Variants in KAT2B observed in about 807,000 individuals in gnomAD.
KAT2B encodes lysine acetyltransferase 2B.
A neutral mutation model predicts 105.9 loss-of-function variants in KAT2B; 36 were observed. That is an observed-to-expected ratio of 0.34 (90% CI 0.26 to 0.45). KAT2B has a LOEUF of 0.45. Among genes scored for constraint, KAT2B ranks in the 20% least tolerant of loss-of-function variants. KAT2B has a pLI of 1.00. For missense variants in KAT2B, 820 were observed against 1,021.6 expected (o/e 0.80, Z 2.69); for synonymous variants, 397 against 377.9 (o/e 1.05, Z -0.59).
At chr3:20,096,008 G>A (rs1698801731) in intron 3 of KAT2B, among the ~76,000 whole-genome samples, 1 of 152,018 alleles carries the variant, frequency 6.6e-6, no homozygotes, top group Non-Finnish European at 1.5e-5. Flanking sequence ...AAGAGACTCC[G>A]AGGCAGAGGG....
chr3:20,049,045 A>G (rs529448274), intron 1 of KAT2B, among the ~76,000 whole-genome samples: 4 of 147,028 alleles, frequency 2.7e-5, no homozygotes, highest in Non-Finnish European at 4.6e-5. Context: ...TATTTTTAGT[A>G]GAGACGGGGT....
intron 1 of KAT2B, among the ~76,000 whole-genome samples, chr3:20,062,157 T>TATATAA (rs1332435257): frequency 1.6e-4 from 14 of 85,738 alleles, no homozygotes; most frequent in African/African-American, 6.4e-4. Context: ...TAAAAATATA[T>TATATAA]AATATATAAT....
chr3:20,057,608 A>C (rs974336233), intron 1 of KAT2B, among the ~76,000 whole-genome samples: 1 of 152,194 alleles, frequency 6.6e-6, no homozygotes, highest in African/African-American at 2.4e-5. Context: ...AATTTCTGAT[A>C]AATTCTGTGT....
chr3:20,130,411 T>C (rs575814443), intron 11 of KAT2B, among the ~76,000 whole-genome samples: 1 of 152,352 alleles, frequency 6.6e-6, no homozygotes, highest in Admixed American at 6.5e-5. Flanking sequence ...AATGTCCAGA[T>C]GTTTCCAAAT....
At chr3:20,083,405 C>G (rs1304360731) in intron 2 of KAT2B, among the ~76,000 whole-genome samples, 1 of 152,098 alleles carries the variant, frequency 6.6e-6, no homozygotes, top group Non-Finnish European at 1.5e-5. Flanking sequence ...ATGAATGACT[C>G]TTTTTGGTTT....
Position 20,122,781 on chromosome 3 carries a change from C to A in KAT2B, c.1390C>A (p.Pro464Thr). The A allele has an allele frequency of 6.2e-7, 1 of 1,613,446 alleles. No individual in the cohort carries two copies. The highest frequency in any genetic ancestry group is 1.1e-5 in the South Asian group (1 of 90,988). Residue 464 changes from proline (P) to threonine (T), a missense_variant, in exon 9 of 18, where the codon CCT becomes ACT. Physicochemically the swap from Pro to Thr is conservative, Grantham distance 38. Coordinates refer to ENST00000263754, the MANE Select transcript of KAT2B (RefSeq NM_003884.5). ...CGAGGTTATGTCTACCATCACGGAC[C>A]CTGCAGCAATGCTTGGACCAGAGGT... ...INEVMSTITD[P>T]AAMLGPETNF...
chr3:20,096,184 C>T (rs894875391), intron 3 of KAT2B, among the ~76,000 whole-genome samples: 1 of 152,114 alleles, frequency 6.6e-6, no homozygotes, highest in African/African-American at 2.4e-5. Flanking sequence ...GAGAAATCAA[C>T]ATATTCCAAA....
At chr3:20,139,221 C>CTTCT (rs1553599029) in intron 12 of KAT2B, among the ~76,000 whole-genome samples, 33 of 151,788 alleles carry the variant, frequency 2.2e-4, no homozygotes, top group South Asian at 1.9e-3. Flanking sequence ...AGCCAGACTT[C>CTTCT]TTTTTTTTTA....
intron 2 of KAT2B, among the ~76,000 whole-genome samples, chr3:20,076,005 T>C (rs1698412941): frequency 6.6e-6 from 1 of 152,056 alleles, no homozygotes; most frequent in Non-Finnish European, 1.5e-5. Flanking sequence ...AAGGTTCCAA[T>C]CCTTTAATCT....
intron 2 of KAT2B, among the ~76,000 whole-genome samples, chr3:20,092,143 G>T (rs908203437): frequency 6.6e-6 from 1 of 152,092 alleles, no homozygotes; most frequent in African/African-American, 2.4e-5. Flanking sequence ...CTGTGTAAAT[G>T]ATTTATCCAT....
intron 2 of KAT2B, among the ~76,000 whole-genome samples, chr3:20,084,535 AC>A (rs1187012675): frequency 1.3e-5 from 2 of 152,122 alleles, no homozygotes; most frequent in African/African-American, 4.8e-5. Context: ...TGGGTTTCAT[AC>A]AGAGCTCTGA....
intron 3 of KAT2B, among the ~76,000 whole-genome samples, chr3:20,098,565 A>G (rs1209319661): frequency 6.6e-6 from 1 of 152,202 alleles, no homozygotes; most frequent in Non-Finnish European, 1.5e-5. Context: ...TCATCATCTT[A>G]TAGATAAACT....
At chr3:20,122,386 C>A (rs1399883203) in intron 8 of KAT2B, among the ~76,000 whole-genome samples, 1 of 152,132 alleles carries the variant, frequency 6.6e-6, no homozygotes, top group South Asian at 2.1e-4. Context: ...GCTAGAATCA[C>A]CCCTTTGCAT....
intron 1 of KAT2B, among the ~76,000 whole-genome samples, chr3:20,049,160 G>T (rs559996745): frequency 1.3e-5 from 2 of 152,058 alleles, no homozygotes; most frequent in Non-Finnish European, 1.5e-5. Flanking sequence ...GCGCCTGGCC[G>T]GGCATCGCCT....
At chr3:20,057,367 A>T (rs954489917) in intron 1 of KAT2B, among the ~76,000 whole-genome samples, 1 of 152,212 alleles carries the variant, frequency 6.6e-6, no homozygotes, top group Admixed American at 6.5e-5. Flanking sequence ...GAGAGTCATC[A>T]TCTCAGATAA....
In KAT2B at chr3:20,105,291, T is replaced by G. The variant is rs1698980382; in HGVS notation, c.851+3823T>G. Among the ~76,000 whole-genome samples the G allele has an allele frequency of 4.6e-5, 7 of 152,300 alleles. 1 individual carries two copies. The South Asian group carries it at 1.4e-3, about 32-fold the overall frequency. ...GGCAAATATTTTGAAGTTCCTGAAT[T>G]TCATGATAGTACACTATTTAATTCC... is the stretch of plus-strand genomic sequence containing the variant. On this transcript the variant is annotated intron_variant, in intron 5 of 17. Coordinates refer to ENST00000263754, the MANE Select transcript of KAT2B (RefSeq NM_003884.5).
In KAT2B at chr3:20,111,735, A is replaced by G; in HGVS notation, c.991A>G (p.Lys331Glu). 1 of 1,614,094 alleles carries G rather than the reference A, an allele frequency of 6.2e-7. No homozygotes were observed. The highest frequency in any genetic ancestry group is 8.5e-7 in the Non-Finnish European group (1 of 1,179,982). ...RQLLEQARQE[K>E]DKLPLEKRTL... ...ACTCCTGGAACAAGCAAGACAGGAA[A>G]AAGATAAACTGCCTCTTGAAAAACG... The change falls in exon 6 of 18, where the codon AAA becomes GAA. Residue 331 changes from lysine to glutamate, a missense_variant. Lys to Glu is a moderately conservative substitution (Grantham distance 56). Around this residue, in one of 6 missense-constraint regions of KAT2B, gnomAD observed 173 missense variants for 249.5 expected, o/e 0.69. Transcript: ENST00000263754.
chr3:20,069,120 A>C (rs1394251201), intron 1 of KAT2B, among the ~76,000 whole-genome samples: 1 of 152,190 alleles, frequency 6.6e-6, no homozygotes, highest in Non-Finnish European at 1.5e-5. Flanking sequence ...AAAAACAAAA[A>C]CAAGTTTATT....
At chr3:20,062,282 A>AATATGATATATATAATATATAAT (rs1251436874) in intron 1 of KAT2B, among the ~76,000 whole-genome samples, 10 of 50,806 alleles carry the variant, frequency 2.0e-4, no homozygotes, top group Non-Finnish European at 7.9e-5. Flanking sequence ...TAATATATAA[A>AATATGATATATATAATATATAAT]ATATAATATA....
Sources: gnomAD v4.1 joint callset for allele counts (sites outside exome capture counted in the v4.1 genomes callset) on GRCh38, gnomAD v4.1.1 for gene constraint, gnomAD v4.1.1 regional missense constraint, MANE v1.5 for transcripts, NCBI Gene and HGNC (gene_info 2026-07-23, HGNC 2026-07-21) for gene names.